The following CAST variants were observed in gnomAD, a reference collection of about 807,000 sequenced individuals.
The protein encoded by CAST is calpastatin, also known as MIR583 host.
A neutral mutation model predicts 119.6 loss-of-function variants in CAST; 76 were observed. That is an observed-to-expected ratio of 0.64 (90% confidence interval 0.53 to 0.77). The LOEUF is 0.77. Ranked by LOEUF, CAST falls within the 30% of genes least tolerant of loss-of-function variation. The probability of loss-of-function intolerance (pLI) is 0.00; values close to 1 mark genes in which losing one functional copy is unlikely to be tolerated. For synonymous variants in CAST, 319 were observed against 331.6 expected (o/e 0.96, Z 0.41); for missense variants, 953 against 946.5 (o/e 1.01, Z -0.09).
Position 96,743,586 on chromosome 5 carries a change from TC to T in CAST, c.1200+832del, listed in dbSNP as rs774769498. On this transcript the variant is annotated intron_variant, in intron 16 of 31. Coordinates refer to ENST00000675179, the MANE Select transcript of CAST (RefSeq NM_001750.7). Reference sequence around the variant, plus strand: ...TCAGGGAAGGGGAGTCTCCCTGACTTCCAGCAACAATCCTTGAGTCTGGGAC... The same window carrying T: ...TCAGGGAAGGGGAGTCTCCCTGACTTCAGCAACAATCCTTGAGTCTGGGAC... 14 of 1,596,492 alleles carry T rather than the reference TC, an allele frequency of 8.8e-6. No homozygotes were observed. In the African/African-American group the frequency reaches 1.4e-4, roughly 15 times the overall value.
At chr5:96,551,438 C>T (rs1370360458) in intron 1 of CAST, among the ~76,000 whole-genome samples, 1 of 152,138 alleles carries the variant, frequency 6.6e-6, no homozygotes, top group Non-Finnish European at 1.5e-5. Context: ...TGGAAAGGAA[C>T]AACTGGTACC....
chr5:96,581,817 G>T (rs764871724), intron 1 of CAST, among the ~76,000 whole-genome samples: 8 of 152,156 alleles, frequency 5.3e-5, no homozygotes, highest in Non-Finnish European at 1.0e-4. Flanking sequence ...TGTGAACCCA[G>T]GAGGCGGAGC....
the CAST span, among the ~76,000 whole-genome samples, chr5:96,368,516 CA>C: frequency 4.9e-5 from 7 of 142,456 alleles, no homozygotes; most frequent in Non-Finnish European, 7.8e-5. Flanking sequence ...AAAAAAAAAA[CA>C]AAAAAACCTA....
At chr5:96,399,585 G>A in the CAST span, among the ~76,000 whole-genome samples, 2 of 152,146 alleles carry the variant, frequency 1.3e-5, no homozygotes, top group Non-Finnish European at 2.9e-5. Flanking sequence ...GGTAAAACTG[G>A]TTGGCAAGTA....
chr5:96,015,283 G>A, the CAST span, among the ~76,000 whole-genome samples: 2 of 151,968 alleles, frequency 1.3e-5, no homozygotes, highest in African/African-American at 2.4e-5. Context: ...TATTATATAT[G>A]TGTGTATGTG....
the CAST span, among the ~76,000 whole-genome samples, chr5:96,300,495 A>G: frequency 6.6e-6 from 1 of 151,562 alleles, no homozygotes; most frequent in Non-Finnish European, 1.5e-5. Context: ...TGTTTTAATT[A>G]CTGTTGCTTT....
chr5:96,230,274 C>T, the CAST span, among the ~76,000 whole-genome samples: 1 of 152,284 alleles, frequency 6.6e-6, no homozygotes, highest in African/African-American at 2.4e-5. Context: ...CTTCCTTTGA[C>T]TTCTCTCCAA....
the CAST span, among the ~76,000 whole-genome samples, chr5:96,418,682 C>T: frequency 2.0e-5 from 3 of 152,248 alleles, no homozygotes; most frequent in South Asian, 6.2e-4. Context: ...AAAATGGAGC[C>T]ATTCATTTTC....
the CAST span, among the ~76,000 whole-genome samples, chr5:96,507,882 C>T: frequency 1.3e-5 from 2 of 152,018 alleles, no homozygotes; most frequent in African/African-American, 4.8e-5. Flanking sequence ...TAGAAGGTGC[C>T]AATTCATTTC....
chr5:96,261,978 T>C, the CAST span, among the ~76,000 whole-genome samples: 9 of 152,300 alleles, frequency 5.9e-5, no homozygotes, highest in South Asian at 4.1e-4. Flanking sequence ...ATTTTATAGA[T>C]TGAAAATAAC....
the CAST span, among the ~76,000 whole-genome samples, chr5:96,120,183 CT>C: frequency 6.6e-6 from 1 of 152,050 alleles, no homozygotes; most frequent in African/African-American, 2.4e-5. Flanking sequence ...GAGGGCAGTC[CT>C]GAGGAACTGG....
the CAST span, among the ~76,000 whole-genome samples, chr5:96,100,010 G>A: frequency 1.1e-4 from 16 of 152,118 alleles, no homozygotes; most frequent in Non-Finnish European, 7.4e-5. Flanking sequence ...TTCAGAATTC[G>A]TTATTGATCT....
chr5:96,685,903 T>C (rs1752024940), intron 2 of CAST, among the ~76,000 whole-genome samples: 1 of 152,252 alleles, frequency 6.6e-6, no homozygotes, highest in African/African-American at 2.4e-5. Context: ...TCTTGTGGAG[T>C]GCATAGCATG....
chr5:96,046,004 C>G, the CAST span, among the ~76,000 whole-genome samples: 1 of 152,090 alleles, frequency 6.6e-6, no homozygotes, highest in African/African-American at 2.4e-5. Context: ...TAAACAAATA[C>G]ATGGAGTGGG....
At chr5:96,303,164 A>G in the CAST span, among the ~76,000 whole-genome samples, 1 of 152,164 alleles carries the variant, frequency 6.6e-6, no homozygotes, top group East Asian at 1.9e-4. Context: ...GAGCAGGAGG[A>G]AGAGAGCAAA....
the CAST span, among the ~76,000 whole-genome samples, chr5:96,120,314 T>G: frequency 1.3e-5 from 2 of 152,094 alleles, no homozygotes; most frequent in East Asian, 3.9e-4. Flanking sequence ...TGGATTTTCC[T>G]GGTTAATTGA....
the CAST span, among the ~76,000 whole-genome samples, chr5:96,384,994 G>T: frequency 6.6e-6 from 1 of 152,128 alleles, no homozygotes. Flanking sequence ...AATAGACTTG[G>T]AGAAACTTTT....
At chr5:96,686,187 T>C (rs1752063461) in intron 2 of CAST, among the ~76,000 whole-genome samples, 1 of 152,014 alleles carries the variant, frequency 6.6e-6, no homozygotes, top group South Asian at 2.1e-4. Flanking sequence ...TTTCACTCTT[T>C]ATTTCATGAC....
At chr5:96,419,073 CAT>C in the CAST span, among the ~76,000 whole-genome samples, 4 of 151,920 alleles carry the variant, frequency 2.6e-5, no homozygotes, top group South Asian at 2.1e-4. Context: ...CCTTGTCACA[CAT>C]GTTATTTAAG....
Sources: allele counts gnomAD v4.1 joint callset (sites outside exome capture counted in the v4.1 genomes callset), GRCh38; gene constraint gnomAD v4.1.1; transcripts MANE v1.5; gene names NCBI Gene and HGNC (gene_info 2026-07-23, HGNC 2026-07-21).